Variants in SDSL observed in about 807,000 individuals in gnomAD.
The protein encoded by SDSL is serine dehydratase like, also known as serine dehydratase-like.
SDSL carries 26 observed loss-of-function variants against 27.6 expected under a neutral mutation model. That is an observed-to-expected ratio of 0.94 (90% CI 0.69 to 1.31). The LOEUF (loss-of-function observed/expected upper bound fraction) is 1.31, where lower values mean the gene tolerates loss of function less well. Ranked by LOEUF, SDSL falls within the 50% of genes most tolerant of loss-of-function variation. The pLI is 0.00. For synonymous variants in SDSL, 196 were observed against 180.6 expected, an observed-to-expected ratio of 1.09 and a Z score of -0.69; for missense variants, 431 against 423.5, an observed-to-expected ratio of 1.02 and a Z score of -0.16.
intron 4 of SDSL, among the ~76,000 whole-genome samples, chr12:113,431,727 C>A (rs1323510451): frequency 6.7e-6 from 1 of 150,312 alleles, no homozygotes; most frequent in Non-Finnish European, 1.5e-5. Context: ...GCACCCACCA[C>A]CACACCCAGC....
chr12:113,436,727 GC>G, intron 6 of SDSL, 23 bp from the exon 7 acceptor site: 1 of 1,567,374 alleles, frequency 6.4e-7, no homozygotes. Context: ...TGGTCTCCCT[GC>G]CCCACCCTGC....
At chr12:113,434,527 A>G (rs958912531) in intron 5 of SDSL, among the ~76,000 whole-genome samples, 1 of 152,120 alleles carries the variant, frequency 6.6e-6, no homozygotes, top group Admixed American at 6.5e-5. Context: ...GCACTGTTCT[A>G]TTTACCCTCC....
intron 1 of SDSL, chr12:113,425,768 A>G (rs12831704): frequency 0.032 from 14,385 of 454,032 alleles, 296 homozygotes; most frequent in Middle Eastern, 0.062. Flanking sequence ...CGAGGTGGGC[A>G]GATCACTTGA....
At position 113,422,384 on chromosome 12, in the gene SDSL, C is replaced by G. The variant is rs966476893; in HGVS notation, c.-115C>G. On this transcript the variant is annotated 5_prime_UTR_variant, in exon 1 of 8. Coordinates refer to ENST00000403593, the MANE Select transcript of SDSL (RefSeq NM_001304993.2). ...CAAGGTTGCCGGAAGCTGCCTGAAGCTGGACAGAGCCGGTTCCTGGAAAGA... is the reference window on the plus strand; with the variant it reads ...CAAGGTTGCCGGAAGCTGCCTGAAGGTGGACAGAGCCGGTTCCTGGAAAGA... 4 of 153,022 alleles carry G rather than the reference C, an allele frequency of 2.6e-5. No individual in the cohort carries two copies. Among genetic ancestry groups the G allele is most frequent in the Non-Finnish European group, 5.8e-5 (4 of 68,696 alleles). 9.5% of individuals were successfully genotyped at this position (153,022 alleles called of 1,614,324 possible). A position where few individuals can be genotyped will look rare whatever the true frequency, so the allele number is the denominator to read the frequency against.
chr12:113,423,307 G>C (rs546484397), intron 1 of SDSL, among the ~76,000 whole-genome samples: 4 of 152,240 alleles, frequency 2.6e-5, no homozygotes, highest in African/African-American at 9.6e-5. Context: ...TAGCATCGCG[G>C]TTAATAGCAC....
intron 1 of SDSL, among the ~76,000 whole-genome samples, chr12:113,424,848 A>C (rs1008119068): frequency 2.7e-5 from 4 of 150,792 alleles, no homozygotes; most frequent in Non-Finnish European, 5.9e-5. Context: ...CAATTCTCCC[A>C]CCTCAGCCTC....
Position 113,438,046 on chromosome 12 carries a change from G to T in SDSL, c.957G>T (p.Leu319=). ...CGGNNINSRE[L]QALKTHLGQV ...GCAACAACATCAACAGCCGAGAGCT[G>T]CAGGCTTTGAAAACCCACCTGGGCC... The change falls in exon 8 of 8, where the codon CTG becomes CTT. Residue 319 remains leucine (L), a synonymous_variant. Coordinates refer to ENST00000403593, the MANE Select transcript of SDSL (RefSeq NM_001304993.2). 1 of 1,614,040 alleles carries T rather than the reference G, an allele frequency of 6.2e-7. No individual in the cohort carries two copies. The highest frequency in any genetic ancestry group is 8.5e-7 in the Non-Finnish European group (1 of 1,179,984).
rs774970930 is a variant in SDSL, at chr12:113,435,313, C to T, written c.444-16C>T. On this transcript the variant is annotated splice_polypyrimidine_tract_variant and intron_variant, in intron 5 of 7. Transcript: ENST00000403593. ...CCTCCCTCACTCTGCTTCTCCCTCT[C>T]ACCCCCCCTCCCCAGGAAAGGCCAC... 37 of 1,480,230 alleles carry T rather than the reference C, an allele frequency of 2.5e-5. No individual in the cohort carries two copies. Among genetic ancestry groups the T allele is most frequent in the Non-Finnish European group, 3.2e-5 (36 of 1,110,048 alleles). 91.7% of individuals were successfully genotyped at this position (1,480,230 alleles called of 1,614,324 possible). A position where few individuals can be genotyped will look rare whatever the true frequency, so the allele number is the denominator to read the frequency against.
chr12:113,436,940 A>G, intron 7 of SDSL, 65 bp downstream of exon 7: 1 of 1,450,118 alleles, frequency 6.9e-7, no homozygotes, highest in Non-Finnish European at 9.1e-7. Context: ...CTCTAGCAAG[A>G]GTGTGTTCTG....
chr12:113,428,590 C>T (rs1957880295), intron 3 of SDSL, 131 bp downstream of exon 3: 2 of 706,188 alleles, frequency 2.8e-6, no homozygotes, highest in Admixed American at 3.0e-5. Context: ...GAGATGACTA[C>T]TGTGTACATC....
At chr12:113,433,172 C>G (rs1352295186) in intron 4 of SDSL, among the ~76,000 whole-genome samples, 17 of 152,226 alleles carry the variant, frequency 1.1e-4, no homozygotes, top group Admixed American at 1.1e-3. Flanking sequence ...GGGAATGAGA[C>G]TCTTCTCTTC....
At chr12:113,436,925 G>T in intron 7 of SDSL, 50 bp downstream of exon 7, 1 of 1,478,094 alleles carries the variant, frequency 6.8e-7, no homozygotes, top group Non-Finnish European at 9.0e-7. Flanking sequence ...CGAAGTCCCT[G>T]CATCCTCTAG....
chr12:113,433,664 CA>C (rs1287081907), intron 4 of SDSL, among the ~76,000 whole-genome samples: 1 of 152,228 alleles, frequency 6.6e-6, no homozygotes, highest in East Asian at 1.9e-4. Context: ...CCATCATGGT[CA>C]GGGCCGGCCC....
At chr12:113,422,747 G>T (rs527679895) in intron 1 of SDSL, 1 of 152,424 alleles carries the variant, frequency 6.6e-6, no homozygotes, top group East Asian at 1.9e-4. Context: ...TGCCAGCCAA[G>T]GGGCCAGCCC....
intron 5 of SDSL, 59 bp downstream of exon 5, chr12:113,434,281 G>T: frequency 4.5e-6 from 6 of 1,329,436 alleles, no homozygotes; most frequent in Non-Finnish European, 6.2e-6. Flanking sequence ...ACTGAGTCAG[G>T]GTCCTCCCAT....
chr12:113,430,500 G>C (rs918906447), intron 4 of SDSL, among the ~76,000 whole-genome samples: 1 of 152,180 alleles, frequency 6.6e-6, no homozygotes, highest in African/African-American at 2.4e-5. Context: ...TGTGGGGAAG[G>C]ATTAAGGTCT....
chr12:113,429,443 G>C, intron 4 of SDSL, 144 bp downstream of exon 4: 1 of 925,792 alleles, frequency 1.1e-6, no homozygotes, highest in Non-Finnish European at 1.6e-6. Flanking sequence ...AGCTGAGGGG[G>C]GAATGAGGTG....
intron 1 of SDSL, chr12:113,425,624 C>A (rs1391010470): frequency 2.2e-6 from 1 of 448,658 alleles, no homozygotes; most frequent in South Asian, 1.6e-5. Flanking sequence ...TACTATTTTT[C>A]CTCCCTCTCA....
chr12:113,428,532 C>A, intron 3 of SDSL, 73 bp downstream of exon 3: 3 of 1,401,818 alleles, frequency 2.1e-6, no homozygotes, highest in Admixed American at 2.0e-5. Context: ...CAGTACACAT[C>A]CAGGGTTGGT....
Sources: allele counts gnomAD v4.1 joint callset (sites outside exome capture counted in the v4.1 genomes callset), GRCh38; gene constraint gnomAD v4.1.1; transcripts MANE v1.5; gene names NCBI Gene and HGNC (gene_info 2026-07-23, HGNC 2026-07-21).